Variants in PDE1A observed in about 807,000 individuals in gnomAD.
PDE1A encodes dual specificity calcium/calmodulin-dependent 3',5'-cyclic nucleotide phosphodiesterase 1A.
Under a neutral mutation model 61.7 loss-of-function variants are expected in PDE1A, and 35 were observed. That is an observed-to-expected ratio of 0.57 (90% CI 0.43 to 0.75). PDE1A has a LOEUF of 0.75. Ranked by LOEUF, PDE1A falls within the 30% of genes least tolerant of loss-of-function variation. The pLI, the probability that PDE1A is intolerant of heterozygous loss-of-function variation, is 0.00. For missense variants in PDE1A, 597 were observed against 630.6 expected (o/e 0.95, Z 0.57); for synonymous variants, 232 against 213.2 (o/e 1.09, Z -0.77).
intron 2 of PDE1A, among the ~76,000 whole-genome samples, chr2:182,432,275 C>G (rs1703989839): frequency 1.3e-5 from 2 of 152,114 alleles, no homozygotes; most frequent in Non-Finnish European, 2.9e-5. Context: ...AGAATAAACT[C>G]TGTAGTCATT....
chr2:182,510,584 C>T (rs1689718829), intron 2 of PDE1A, among the ~76,000 whole-genome samples: 1 of 152,088 alleles, frequency 6.6e-6, no homozygotes, highest in South Asian at 2.1e-4. Flanking sequence ...ATAGCAATTA[C>T]CTAGAAGTCA....
intron 13 of PDE1A, among the ~76,000 whole-genome samples, chr2:182,184,293 A>G (rs1685030441): frequency 6.6e-6 from 1 of 152,080 alleles, no homozygotes; most frequent in African/African-American, 2.4e-5. Flanking sequence ...TATCATCATC[A>G]AATTGCTGAA....
intron 1 of PDE1A, among the ~76,000 whole-genome samples, chr2:182,331,868 A>G (rs1435907894): frequency 2.6e-5 from 4 of 151,988 alleles, no homozygotes; most frequent in Non-Finnish European, 4.4e-5. Flanking sequence ...GGTGTTCTCT[A>G]TATTTCCTGA....
At chr2:182,252,382 T>C (rs1247899891) in intron 2 of PDE1A, among the ~76,000 whole-genome samples, 2 of 152,220 alleles carry the variant, frequency 1.3e-5, no homozygotes, top group East Asian at 1.9e-4. Flanking sequence ...TGGTCAGCCA[T>C]GAATTCACTC....
At chr2:182,453,863 A>G (rs201495077) in intron 2 of PDE1A, among the ~76,000 whole-genome samples, 15 of 152,084 alleles carry the variant, frequency 9.9e-5, no homozygotes, top group African/African-American at 3.4e-4. Flanking sequence ...GACACAAGAC[A>G]GGGATGCCCT....
intron 13 of PDE1A, among the ~76,000 whole-genome samples, chr2:182,169,785 A>G (rs1026065302): frequency 9.2e-5 from 14 of 151,758 alleles, no homozygotes; most frequent in African/African-American, 3.4e-4. Context: ...TCTTGGGAAA[A>G]CATTTTATCA....
chr2:182,485,385 A>G (rs116148697), intron 2 of PDE1A, among the ~76,000 whole-genome samples: 3,265 of 152,080 alleles, frequency 0.021, 108 homozygotes, highest in African/African-American at 0.074. Context: ...GTGGGAGGAG[A>G]GGGAGGAGCA....
At chr2:182,519,576 T>C (rs1690433433) in intron 2 of PDE1A, among the ~76,000 whole-genome samples, 2 of 151,942 alleles carry the variant, frequency 1.3e-5, no homozygotes, top group Non-Finnish European at 2.9e-5. Context: ...TCAAATATTA[T>C]ATGAAGACAA....
At chr2:182,423,641 T>A (rs1703418688) in intron 1 of PDE1A, among the ~76,000 whole-genome samples, 2 of 152,290 alleles carry the variant, frequency 1.3e-5, no homozygotes, top group South Asian at 4.1e-4. Context: ...CTGAAATCTG[T>A]CTCTTCCATT....
chr2:182,652,823 A>G, the PDE1A span, among the ~76,000 whole-genome samples: 236 of 152,282 alleles, frequency 1.5e-3, 1 homozygote, highest in Non-Finnish European at 2.3e-3. Context: ...CCTTTTGTCC[A>G]TCAGGTTGCT....
At chr2:182,153,877 A>G (rs1458917495) in intron 13 of PDE1A, among the ~76,000 whole-genome samples, 1 of 152,162 alleles carries the variant, frequency 6.6e-6, no homozygotes, top group Admixed American at 6.6e-5. Context: ...GGAGGCAGGT[A>G]AGGGATGAGA....
chr2:182,192,447 G>A (rs1169820429), intron 10 of PDE1A, among the ~76,000 whole-genome samples: 1 of 152,066 alleles, frequency 6.6e-6, no homozygotes, highest in Non-Finnish European at 1.5e-5. Context: ...AGGGGGCCCT[G>A]TAGGTAAACT....
At chr2:182,498,800 C>T (rs555950190) in intron 2 of PDE1A, among the ~76,000 whole-genome samples, 2 of 151,918 alleles carry the variant, frequency 1.3e-5, no homozygotes, top group Admixed American at 6.5e-5. Context: ...AAAAATTAGC[C>T]GGACGCGGTG....
At chr2:182,531,885 G>A in the PDE1A span, among the ~76,000 whole-genome samples, 1 of 152,046 alleles carries the variant, frequency 6.6e-6, no homozygotes, top group East Asian at 1.9e-4. Flanking sequence ...GGTGTGTAAT[G>A]TTCCCCGCCC....
intron 2 of PDE1A, among the ~76,000 whole-genome samples, chr2:182,465,383 A>T (rs1220337088): frequency 6.6e-6 from 1 of 152,008 alleles, no homozygotes; most frequent in African/African-American, 2.4e-5. Context: ...TTCAAAAAAC[A>T]GTTCAGAGCA....
chr2:182,529,915 A>G, the PDE1A span, among the ~76,000 whole-genome samples: 2 of 152,308 alleles, frequency 1.3e-5, no homozygotes, highest in South Asian at 4.2e-4. Context: ...TAAATTACCC[A>G]GCCTCGGTAT....
chr2:182,504,985 C>T (rs1332074492), intron 2 of PDE1A, among the ~76,000 whole-genome samples: 1 of 152,226 alleles, frequency 6.6e-6, no homozygotes, highest in African/African-American at 2.4e-5. Context: ...CATGTTGTAG[C>T]CTGGAAGCCA....
At chr2:182,431,579 G>T (rs1216885563), upstream of PDE1A, among the ~76,000 whole-genome samples, 1 of 152,088 alleles carries the variant, frequency 6.6e-6, no homozygotes. Context: ...ACTTAAATCT[G>T]ATTTATCCTT....
At chr2:182,205,378 G>T (rs1457157803) in intron 8 of PDE1A, among the ~76,000 whole-genome samples, 2 of 151,834 alleles carry the variant, frequency 1.3e-5, no homozygotes, top group Non-Finnish European at 2.9e-5. Context: ...AGGGATGGGG[G>T]TACATCTTGT....
Sources: allele counts gnomAD v4.1 joint callset (sites outside exome capture counted in the v4.1 genomes callset), GRCh38; gene constraint gnomAD v4.1.1; transcripts MANE v1.5; gene names NCBI Gene and HGNC (gene_info 2026-07-23, HGNC 2026-07-21).